Variants in NCOA2 observed in about 807,000 individuals in gnomAD.
The protein encoded by NCOA2 is class E basic helix-loop-helix protein 75.
NCOA2 carries 21 observed loss-of-function variants against 145.1 expected under a neutral mutation model. The observed-to-expected ratio is 0.14, with a 90% CI of 0.10 to 0.21. The LOEUF is 0.21. Ranked by LOEUF, NCOA2 falls within the 10% of genes least tolerant of loss-of-function variation. The probability of loss-of-function intolerance (pLI) is 1.00; values close to 1 mark genes in which losing one functional copy is unlikely to be tolerated. For missense variants in NCOA2, 1,472 were observed against 1,837.6 expected, an observed-to-expected ratio of 0.80 and a Z score of 3.64; for synonymous variants, 619 against 637.5, an observed-to-expected ratio of 0.97 and a Z score of 0.44.
At chr8:70,362,274 C>T (rs1260667574) in intron 1 of NCOA2, among the ~76,000 whole-genome samples, 1 of 152,118 alleles carries the variant, frequency 6.6e-6, no homozygotes, top group Admixed American at 6.5e-5. Context: ...TACGTTAATG[C>T]ACATAGACAT....
intron 2 of NCOA2, among the ~76,000 whole-genome samples, chr8:70,263,068 A>T (rs916498133): frequency 1.3e-5 from 2 of 151,230 alleles, no homozygotes; most frequent in South Asian, 2.1e-4. Context: ...AGCACTTTAC[A>T]GCTTCTCTTC....
upstream of NCOA2, chr8:70,403,847 C>CCCTCCTCCTCCTCCTCCTCCTCCT (rs528610374): frequency 4.8e-5 from 18 of 376,600 alleles, no homozygotes; most frequent in South Asian, 4.1e-4. Context: ...TCCCCCAACT[C>CCCTCCTCCTCCTCCTCCTCCTCCT]CCTCCTCCTC....
At chr8:70,185,566 T>G (rs1815975224) in intron 4 of NCOA2, among the ~76,000 whole-genome samples, 1 of 152,126 alleles carries the variant, frequency 6.6e-6, no homozygotes, top group African/African-American at 2.4e-5. Flanking sequence ...GAGTGCAGGC[T>G]GCTTGTGGCC....
the NCOA2 span, among the ~76,000 whole-genome samples, chr8:70,417,254 A>AT: frequency 6.7e-6 from 1 of 148,602 alleles, no homozygotes; most frequent in African/African-American, 2.5e-5. Flanking sequence ...TTAAAAAAAA[A>AT]AAAAAAAAAA....
At chr8:70,286,479 G>A (rs923833430) in intron 2 of NCOA2, among the ~76,000 whole-genome samples, 9 of 152,034 alleles carry the variant, frequency 5.9e-5, no homozygotes, top group African/African-American at 2.2e-4. Context: ...ACTTAACCGT[G>A]AGCTACAATA....
In NCOA2 at chr8:70,270,850, AAT is replaced by A. The variant is rs563401107; in HGVS notation, c.-20+25892_-20+25893del. Among the ~76,000 whole-genome samples the A allele has an allele frequency of 1.2e-3, 190 of 152,286 alleles. 1 individual carries two copies. The highest frequency in any genetic ancestry group is 1.0e-3 in the Non-Finnish European group (71 of 68,022). On this transcript the variant is annotated intron_variant, in intron 2 of 22. Coordinates refer to ENST00000452400, the MANE Select transcript of NCOA2 (RefSeq NM_006540.4). The stretch of plus-strand genomic sequence containing the variant: ...GACATTAATATTGTCTGTTGAAATA[AAT>A]ATGTTTGCATAGTTATTTTAAAAAC...
intron 1 of NCOA2, among the ~76,000 whole-genome samples, chr8:70,389,778 C>T (rs1355113460): frequency 6.6e-6 from 1 of 152,100 alleles, no homozygotes; most frequent in Non-Finnish European, 1.5e-5. Context: ...ATGCGATTCT[C>T]CTGCCTCAGC....
chr8:70,195,617 A>G (rs763007233), intron 4 of NCOA2, among the ~76,000 whole-genome samples: 1 of 152,202 alleles, frequency 6.6e-6, no homozygotes. Flanking sequence ...TGTAATATTA[A>G]TTACATCTTA....
In NCOA2 at chr8:70,166,590, T is replaced by G; in HGVS notation, c.706A>C (p.Lys236Gln). 6.2e-7 allele frequency: 1 copy of G among 1,613,954 alleles called. No homozygotes were observed. Reference protein sequence around the residue: ...TMQCFAVSQPKSIKEEGEDLQ... With the variant: ...TMQCFAVSQPQSIKEEGEDLQ... The stretch of plus-strand genomic sequence containing the variant: ...CCTTCTCCTTCTTCTTTGATGGACT[T>G]TGGTTGAGAGACAGCGAAGCACTGC... Residue 236 changes from lysine to glutamine, a missense_variant, in exon 7 of 23, where the codon AAG (lysine) becomes CAG (glutamine). Transcript: ENST00000452400.
At chr8:70,210,279 T>C (rs939734880) in intron 4 of NCOA2, among the ~76,000 whole-genome samples, 4 of 152,210 alleles carry the variant, frequency 2.6e-5, no homozygotes, top group African/African-American at 9.6e-5. Flanking sequence ...CAGTAAGAAC[T>C]ATTTAGTCTT....
chr8:70,247,454 T>G (rs1267033104), intron 2 of NCOA2, among the ~76,000 whole-genome samples: 1 of 152,204 alleles, frequency 6.6e-6, no homozygotes, highest in Non-Finnish European at 1.5e-5. Context: ...CATTATGGAC[T>G]TAAAATCTAA....
At chr8:70,209,309 G>T (rs951649672) in intron 4 of NCOA2, among the ~76,000 whole-genome samples, 16 of 152,212 alleles carry the variant, frequency 1.1e-4, no homozygotes, top group African/African-American at 3.9e-4. Context: ...AAAGAAAATG[G>T]TTTCTTGAGA....
chr8:70,121,384 T>C lies in NCOA2; in HGVS notation c.4301A>G (p.Asp1434Gly). ...LSSMGPEQVN[D>G]PALRGGNLFP... The stretch of plus-strand genomic sequence containing the variant: ...CAGGTTGCCTCCCCTCAGAGCAGGA[T>C]CATTAACCTAAGGACAAGAAGACAG... The change falls in exon 22 of 23, where the codon GAT (aspartate) becomes GGT (glycine). Residue 1434 changes from aspartate to glycine, a missense_variant. By Grantham distance (94) the Asp-to-Gly change is moderately conservative. Coordinates refer to ENST00000452400, the MANE Select transcript of NCOA2 (RefSeq NM_006540.4). 18 of 1,610,792 alleles carry C rather than the reference T, an allele frequency of 1.1e-5. No individual in the cohort carries two copies. Among genetic ancestry groups the C allele is most frequent in the African/African-American group, 1.3e-5 (1 of 74,994 alleles).
chr8:70,215,103 T>C (rs901147570), intron 3 of NCOA2, among the ~76,000 whole-genome samples: 1 of 152,154 alleles, frequency 6.6e-6, no homozygotes, highest in African/African-American at 2.4e-5. Flanking sequence ...ACTGGCACAG[T>C]AATTCAGAAT....
At chr8:70,218,090 CCAGT>C (rs1819799481) in intron 2 of NCOA2, among the ~76,000 whole-genome samples, 1 of 152,016 alleles carries the variant, frequency 6.6e-6, no homozygotes, top group Non-Finnish European at 1.5e-5. Flanking sequence ...ATAACGCGTA[CCAGT>C]CAAACCGCCA....
rs1034213483 is a variant in NCOA2 at position 70,266,541 on chromosome 8, A to G, written c.-20+30203T>C. Among the ~76,000 whole-genome samples, 31 of 152,140 alleles carry G rather than the reference A, an allele frequency of 2.0e-4. 1 individual carries two copies. The stretch of plus-strand genomic sequence containing the variant: ...TGGCTCCCTCTAGCCAAACTGCTCT[A>G]TTCAAAGCCCTGCATGGGCTTTGCT... On this transcript the variant is annotated intron_variant, in intron 2 of 22. Transcript: ENST00000452400.
chr8:70,162,636 T>G (rs1585904983), intron 9 of NCOA2, 75 bp downstream of exon 9: 4 of 1,460,930 alleles, frequency 2.7e-6, no homozygotes, highest in Non-Finnish European at 2.8e-6. Context: ...GTTCCCAAGG[T>G]GAACTCCAGG....
At chr8:70,400,465 G>T (rs1814129867) in intron 1 of NCOA2, among the ~76,000 whole-genome samples, 1 of 152,102 alleles carries the variant, frequency 6.6e-6, no homozygotes, top group Non-Finnish European at 1.5e-5. Flanking sequence ...TTCAAGGATT[G>T]TTGCAAAGAA....
chr8:70,155,277 C>A (rs924732004), intron 11 of NCOA2, among the ~76,000 whole-genome samples: 1 of 152,146 alleles, frequency 6.6e-6, no homozygotes, highest in Non-Finnish European at 1.5e-5. Flanking sequence ...CTAAGAAATT[C>A]TTTTGCATTA....
Sources: gnomAD v4.1 joint callset for allele counts (sites outside exome capture counted in the v4.1 genomes callset) on GRCh38, gnomAD v4.1.1 for gene constraint, MANE v1.5 for transcripts, NCBI Gene and HGNC (gene_info 2026-07-23, HGNC 2026-07-21) for gene names.